Variants in PLCH1 observed in about 807,000 individuals in gnomAD.
PLCH1 encodes the protein 1-phosphatidylinositol 4,5-bisphosphate phosphodiesterase eta-1.
A neutral mutation model predicts 126.7 loss-of-function variants in PLCH1; 60 were observed. The ratio of observed to expected loss-of-function variants is 0.47; its 90% CI spans 0.38 to 0.59. The LOEUF is 0.59. Among genes scored for constraint, PLCH1 ranks in the 20% least tolerant of loss-of-function variants. The pLI, the probability that PLCH1 is intolerant of heterozygous loss-of-function variation, is 0.00. For synonymous variants in PLCH1, 719 were observed against 734.9 expected (o/e 0.98, Z 0.35); for missense variants, 1,723 against 2,040.0 (o/e 0.84, Z 2.99).
chr3:155,529,199 G>A (rs540507272), intron 10 of PLCH1, among the ~76,000 whole-genome samples: 1 of 152,228 alleles, frequency 6.6e-6, no homozygotes, highest in East Asian at 1.9e-4. Context: ...GAATTAATTT[G>A]TCTATGGTAT....
chr3:155,484,492 T>C (rs1714700981), intron 22 of PLCH1, among the ~76,000 whole-genome samples: 1 of 152,184 alleles, frequency 6.6e-6, no homozygotes, highest in African/African-American at 2.4e-5. Context: ...ATTAGACCAT[T>C]TGATAAAAGT....
intron 2 of PLCH1, among the ~76,000 whole-genome samples, chr3:155,628,463 T>A (rs1356730455): frequency 6.6e-6 from 1 of 151,596 alleles, no homozygotes; most frequent in African/African-American, 2.4e-5. Context: ...CAATATTTGA[T>A]CATATCCTTT....
downstream of PLCH1, among the ~76,000 whole-genome samples, chr3:155,475,530 G>C (rs995607682): frequency 6.6e-6 from 1 of 151,948 alleles, no homozygotes; most frequent in African/African-American, 2.4e-5. Flanking sequence ...AAAACAAAAA[G>C]TTAGTGTTTT....
intron 1 of PLCH1, among the ~76,000 whole-genome samples, chr3:155,719,980 G>C (rs1269218990): frequency 6.6e-6 from 1 of 152,010 alleles, no homozygotes; most frequent in African/African-American, 2.4e-5. Flanking sequence ...ATTTTTAGTA[G>C]AGATGAGGTT....
intron 10 of PLCH1, among the ~76,000 whole-genome samples, chr3:155,545,800 T>G (rs1250510192): frequency 2.0e-5 from 3 of 151,972 alleles, no homozygotes; most frequent in Non-Finnish European, 4.4e-5. Flanking sequence ...CATGATTATC[T>G]CAATAGATGC....
At chr3:155,534,625 C>A (rs1723114578) in intron 10 of PLCH1, among the ~76,000 whole-genome samples, 2 of 152,154 alleles carry the variant, frequency 1.3e-5, no homozygotes, top group Admixed American at 1.3e-4. Flanking sequence ...GATGTGGGAG[C>A]AGCCAGGAGC....
At chr3:155,516,507 T>C (rs554749213) in intron 11 of PLCH1, among the ~76,000 whole-genome samples, 1 of 152,254 alleles carries the variant, frequency 6.6e-6, no homozygotes, top group Non-Finnish European at 1.5e-5. Context: ...GATAAAGAAC[T>C]TTGGAGAGCG....
chr3:155,631,457 G>A (rs181403530), intron 2 of PLCH1, among the ~76,000 whole-genome samples: 2 of 152,232 alleles, frequency 1.3e-5, no homozygotes, highest in South Asian at 2.1e-4. Context: ...CCTGGACTCC[G>A]GCTCTCCCAG....
At chr3:155,629,147 T>G (rs182839243) in intron 2 of PLCH1, among the ~76,000 whole-genome samples, 2 of 152,234 alleles carry the variant, frequency 1.3e-5, no homozygotes, top group Non-Finnish European at 2.9e-5. Flanking sequence ...CAATTTTGCA[T>G]ACACATTAGG....
At chr3:155,564,850 C>A in intron 8 of PLCH1, 65 bp downstream of exon 8, 1 of 1,001,156 alleles carries the variant, frequency 1.0e-6, no homozygotes. Flanking sequence ...TTATACTAGA[C>A]TCGACAGACT....
intron 21 of PLCH1, chr3:155,485,999 A>G: frequency 1.6e-6 from 1 of 623,552 alleles, no homozygotes. Context: ...CAGCTCATAG[A>G]CTGCTATGAA....
chr3:155,724,624 A>C (rs527942929), intron 1 of PLCH1, among the ~76,000 whole-genome samples: 5 of 152,178 alleles, frequency 3.3e-5, no homozygotes, highest in African/African-American at 1.2e-4. Flanking sequence ...CCTTAAGTTT[A>C]TGTGAGTCGT....
intron 18 of PLCH1, 133 bp downstream of exon 18, chr3:155,492,596 A>T: frequency 1.5e-6 from 1 of 675,136 alleles, no homozygotes. Context: ...TAAATCAGTT[A>T]ATGTCTGATA....
chr3:155,735,981 A>C (rs1749153220), intron 1 of PLCH1, among the ~76,000 whole-genome samples: 1 of 152,236 alleles, frequency 6.6e-6, no homozygotes, highest in Non-Finnish European at 1.5e-5. Context: ...TAAAATGTGT[A>C]ATCATGAAAA....
At chr3:155,743,377 C>CA (rs1459611683) in intron 1 of PLCH1, 5 of 383,464 alleles carry the variant, frequency 1.3e-5, no homozygotes, top group African/African-American at 6.4e-5. Context: ...ACTAAAAATA[C>CA]AAAAAATAGC....
chr3:155,576,276 T>C (rs1729938841), intron 6 of PLCH1, among the ~76,000 whole-genome samples: 1 of 152,172 alleles, frequency 6.6e-6, no homozygotes, highest in Admixed American at 6.5e-5. Flanking sequence ...CAATCAACTC[T>C]AGTAAATACT....
At chr3:155,471,221 G>C (rs1713212895) in intron 21 of PLCH1, among the ~76,000 whole-genome samples, 1 of 152,134 alleles carries the variant, frequency 6.6e-6, no homozygotes, top group Non-Finnish European at 1.5e-5. Context: ...AAAATAAAAG[G>C]ATGGAGGAAG....
chr3:155,521,256 G>A (rs1721070063), intron 11 of PLCH1, among the ~76,000 whole-genome samples: 2 of 152,002 alleles, frequency 1.3e-5, no homozygotes, highest in African/African-American at 4.8e-5. Flanking sequence ...TTACTTATTT[G>A]TCTTATTTCT....
intron 2 of PLCH1, among the ~76,000 whole-genome samples, chr3:155,653,997 G>C (rs61074539): frequency 1.3e-5 from 2 of 150,164 alleles, no homozygotes; most frequent in Non-Finnish European, 3.0e-5. Context: ...TCTCTCTTTT[G>C]AATCAATTCC....
Sources: allele counts gnomAD v4.1 joint callset (sites outside exome capture counted in the v4.1 genomes callset), GRCh38; gene constraint gnomAD v4.1.1; transcripts MANE v1.5; gene names NCBI Gene and HGNC (gene_info 2026-07-23, HGNC 2026-07-21).